DOCK3: variants seen among roughly 807,000 people sequenced by gnomAD.
DOCK3 encodes the protein dedicator of cytokinesis 3, also known as dedicator of cytokinesis protein 3.
A neutral mutation model predicts 265.6 loss-of-function variants in DOCK3; 60 were observed. That is an observed-to-expected ratio of 0.23 (90% CI 0.18 to 0.28). The LOEUF is 0.28. Among genes scored for constraint, DOCK3 ranks in the 10% least tolerant of loss-of-function variants. The pLI, the probability that DOCK3 is intolerant of heterozygous loss-of-function variation, is 1.00. For synonymous variants in DOCK3, 881 were observed against 938.0 expected (o/e 0.94, Z 1.11); for missense variants, 1,981 against 2,594.3 (o/e 0.76, Z 5.14).
At chr3:50,907,607 T>G (rs1370489749) in intron 4 of DOCK3, among the ~76,000 whole-genome samples, 1 of 152,126 alleles carries the variant, frequency 6.6e-6, no homozygotes, top group East Asian at 1.9e-4. Context: ...ATTTGCTTGG[T>G]AGATCTTCCT....
At chr3:51,249,429 C>T (rs1382657173) in intron 22 of DOCK3, among the ~76,000 whole-genome samples, 2 of 123,976 alleles carry the variant, frequency 1.6e-5, no homozygotes, top group African/African-American at 6.3e-5. Context: ...TGAGGGGCGC[C>T]TCTGTCCGGC....
chr3:51,171,733 G>T (rs2086693581), intron 12 of DOCK3, among the ~76,000 whole-genome samples: 1 of 148,482 alleles, frequency 6.7e-6, no homozygotes, highest in Admixed American at 6.7e-5. Context: ...AAAAAAAAAA[G>T]ACTTGTTTTG....
chr3:50,695,263 A>G lies in DOCK3; in HGVS notation c.37+19963A>G, dbSNP rs187630358. Among the ~76,000 whole-genome samples the G allele has an allele frequency of 1.6e-4, 25 of 152,372 alleles. No homozygotes were observed. The East Asian group carries it at 4.8e-3, about 29-fold the overall frequency. On this transcript the variant is annotated intron_variant, in intron 1 of 52. Transcript: ENST00000266037. ...CTTAATACTTATGCATGTATAAGCCAGAAGGAACTCAGTTCTTCACAAATT... is the reference window on the plus strand; with the variant it reads ...CTTAATACTTATGCATGTATAAGCCGGAAGGAACTCAGTTCTTCACAAATT...
chr3:51,131,107 A>G (rs7630616), intron 9 of DOCK3, among the ~76,000 whole-genome samples: 138,748 of 152,170 alleles, frequency 0.91, 63,401 homozygotes, highest in African/African-American at 0.95. Context: ...ACCAGTCAGG[A>G]AGCCAATGTG....
intron 27 of DOCK3, among the ~76,000 whole-genome samples, chr3:51,302,505 G>C (rs1011228575): frequency 6.6e-6 from 1 of 151,970 alleles, no homozygotes. Flanking sequence ...TGTTGATGTA[G>C]TTGCTTCATA....
At chr3:50,717,521 T>C (rs2037191041) in intron 1 of DOCK3, among the ~76,000 whole-genome samples, 1 of 152,180 alleles carries the variant, frequency 6.6e-6, no homozygotes, top group Admixed American at 6.5e-5. Context: ...TTTTTTCTAG[T>C]TGATTATCTT....
chr3:51,011,589 G>T (rs1334791248), intron 5 of DOCK3, among the ~76,000 whole-genome samples: 2 of 152,194 alleles, frequency 1.3e-5, no homozygotes, highest in Non-Finnish European at 2.9e-5. Context: ...TTAGCTCAGA[G>T]AAGTTTGATT....
intron 5 of DOCK3, among the ~76,000 whole-genome samples, chr3:50,984,083 ACACCCCTTGC>A (rs1395439535): frequency 6.6e-6 from 1 of 151,724 alleles, no homozygotes; most frequent in East Asian, 1.9e-4. Context: ...ACTTGCTCAC[ACACCCCTTGC>A]CACTCCATGC....
intron 12 of DOCK3, among the ~76,000 whole-genome samples, chr3:51,195,373 G>A: frequency 6.6e-6 from 1 of 151,896 alleles, no homozygotes; most frequent in Non-Finnish European, 1.5e-5. Flanking sequence ...TTCTCTGTGT[G>A]ATTACTTTGC....
chr3:50,804,776 G>A (rs1419194116), intron 2 of DOCK3, among the ~76,000 whole-genome samples: 1 of 151,682 alleles, frequency 6.6e-6, no homozygotes, highest in East Asian at 1.9e-4. Context: ...GGGGGAGGGG[G>A]AGGGGAGAAA....
At chr3:51,181,929 T>A (rs2087319483) in intron 12 of DOCK3, among the ~76,000 whole-genome samples, 2 of 152,258 alleles carry the variant, frequency 1.3e-5, no homozygotes, top group African/African-American at 4.8e-5. Flanking sequence ...AGTTCACTGT[T>A]GATGCCAGTT....
chr3:50,963,724 G>A (rs542670132), intron 5 of DOCK3, among the ~76,000 whole-genome samples: 1 of 152,322 alleles, frequency 6.6e-6, no homozygotes, highest in East Asian at 1.9e-4. Context: ...AAGGTGAGCT[G>A]TAAGATTGCT....
chr3:51,191,875 CT>C (rs2087968512), intron 12 of DOCK3, among the ~76,000 whole-genome samples: 1 of 151,592 alleles, frequency 6.6e-6, no homozygotes. Flanking sequence ...TCCTTGTCTA[CT>C]CTGAATATTA....
intron 9 of DOCK3, among the ~76,000 whole-genome samples, chr3:51,133,214 T>G (rs1452747056): frequency 6.6e-6 from 1 of 152,108 alleles, no homozygotes; most frequent in African/African-American, 2.4e-5. Context: ...GTGCACAACG[T>G]GCAGGTTTGT....
chr3:51,112,045 AAAT>A (rs1314189876), intron 9 of DOCK3, among the ~76,000 whole-genome samples: 13 of 152,046 alleles, frequency 8.6e-5, no homozygotes, highest in Admixed American at 6.5e-4. Flanking sequence ...TAAAAGTAAA[AAAT>A]AATAATAATA....
intron 5 of DOCK3, among the ~76,000 whole-genome samples, chr3:51,026,633 G>A (rs1382135599): frequency 6.6e-6 from 1 of 151,776 alleles, no homozygotes; most frequent in East Asian, 1.9e-4. Context: ...TTGGTTGCTA[G>A]GCTTTTTATC....
chr3:50,843,132 T>G (rs1057032823), intron 3 of DOCK3, among the ~76,000 whole-genome samples: 3 of 152,320 alleles, frequency 2.0e-5, no homozygotes, highest in South Asian at 2.1e-4. Context: ...GATTATATCT[T>G]CCTACACAAT....
intron 1 of DOCK3, among the ~76,000 whole-genome samples, chr3:50,696,987 G>C (rs1341651695): frequency 1.3e-5 from 2 of 150,196 alleles, no homozygotes; most frequent in Non-Finnish European, 3.0e-5. Flanking sequence ...CTGGCATGCA[G>C]TGGCGCTATG....
At chr3:50,711,244 A>G (rs1471757409) in intron 1 of DOCK3, among the ~76,000 whole-genome samples, 1 of 148,170 alleles carries the variant, frequency 6.7e-6, no homozygotes, top group Admixed American at 6.7e-5. Context: ...TAAAAATCCT[A>G]CTTGTAATGT....
Sources: allele counts gnomAD v4.1 joint callset (sites outside exome capture counted in the v4.1 genomes callset), GRCh38; gene constraint gnomAD v4.1.1; transcripts MANE v1.5; gene names NCBI Gene and HGNC (gene_info 2026-07-23, HGNC 2026-07-21).